Variants in ARHGAP22 observed in about 807,000 individuals in gnomAD.
ARHGAP22 encodes Rho GTPase activating protein 22.
A neutral mutation model predicts 59.1 loss-of-function variants in ARHGAP22; 48 were observed. That is an observed-to-expected ratio of 0.81 (90% CI 0.64 to 1.03). The LOEUF is 1.03. Among genes scored for constraint, ARHGAP22 ranks in the 50% least tolerant of loss-of-function variants. ARHGAP22 has a pLI of 0.00. For synonymous variants in ARHGAP22, 445 were observed against 416.4 expected (o/e 1.07, Z -0.84); for missense variants, 1,015 against 958.7 (o/e 1.06, Z -0.78).
chr10:48,450,353 G>T lies in ARHGAP22; in HGVS notation c.1776C>A (p.His592Gln), dbSNP rs774487178. The T allele has an allele frequency of 4.4e-6, 7 of 1,589,158 alleles. No individual in the cohort carries two copies. Among genetic ancestry groups the T allele is most frequent in the Non-Finnish European group, 6.0e-6 (7 of 1,168,398 alleles). Reference sequence around the variant, plus strand: ...CCTGTAAGGCCTCGGAGCGGCGCGCGTGTTCCCGGGTGGGGCTGTCCGGCT... The same window carrying T: ...CCTGTAAGGCCTCGGAGCGGCGCGCTTGTTCCCGGGTGGGGCTGTCCGGCT... ...PSEPDSPTRE[H>Q]ARRSEALQGL... is the part of the protein sequence containing the mutation. The change falls in exon 9 of 10, where the codon CAC becomes CAA. Residue 592 changes from histidine (H) to glutamine (Q), a missense_variant. His to Gln is a conservative substitution (Grantham distance 24). Transcript: ENST00000249601.
At chr10:48,636,209 A>G (rs1236655517) in intron 1 of ARHGAP22, among the ~76,000 whole-genome samples, 3 of 152,270 alleles carry the variant, frequency 2.0e-5, no homozygotes, top group Non-Finnish European at 4.4e-5. Context: ...TGCCCTGCAC[A>G]GCTTCAGCAT....
intron 3 of ARHGAP22, among the ~76,000 whole-genome samples, chr10:48,505,384 CT>C (rs1439631397): frequency 6.6e-6 from 1 of 152,168 alleles, no homozygotes; most frequent in Non-Finnish European, 1.5e-5. Context: ...ACAAAATATG[CT>C]GGTGGCATCG....
At chr10:48,636,030 G>A (rs914111943) in intron 1 of ARHGAP22, among the ~76,000 whole-genome samples, 12 of 152,188 alleles carry the variant, frequency 7.9e-5, no homozygotes, top group Non-Finnish European at 1.6e-4. Flanking sequence ...TTTTAGTTTG[G>A]TGGTAGCATC....
At chr10:48,571,189 C>T (rs1049290542) in intron 2 of ARHGAP22, among the ~76,000 whole-genome samples, 4 of 152,196 alleles carry the variant, frequency 2.6e-5, no homozygotes, top group African/African-American at 7.2e-5. Context: ...CTGGCCTCTA[C>T]TTGTCCAGCA....
At chr10:48,630,474 A>G (rs2061594249) in intron 1 of ARHGAP22, among the ~76,000 whole-genome samples, 1 of 152,238 alleles carries the variant, frequency 6.6e-6, no homozygotes, top group South Asian at 2.1e-4. Context: ...CTTAGATTTC[A>G]TTAATCAAGA....
upstream of ARHGAP22, among the ~76,000 whole-genome samples, chr10:48,655,004 C>CTT: frequency 6.9e-5 from 7 of 101,640 alleles, no homozygotes; most frequent in Non-Finnish European, 1.0e-4. Flanking sequence ...CTCTCTCTTT[C>CTT]TTTCTCTTTC....
At chr10:48,591,885 A>G (rs573801280) in intron 1 of ARHGAP22, among the ~76,000 whole-genome samples, 1 of 152,156 alleles carries the variant, frequency 6.6e-6, no homozygotes, top group East Asian at 1.9e-4. Context: ...AAAAAACCCC[A>G]AAACAACAAC....
chr10:48,501,234 A>T (rs779403678), intron 3 of ARHGAP22, among the ~76,000 whole-genome samples: 1 of 152,194 alleles, frequency 6.6e-6, no homozygotes, highest in Non-Finnish European at 1.5e-5. Context: ...TTTTCTGGGG[A>T]TGAAGGTGAG....
intron 3 of ARHGAP22, among the ~76,000 whole-genome samples, chr10:48,483,570 A>T (rs2049547219): frequency 6.6e-6 from 1 of 151,578 alleles, no homozygotes; most frequent in African/African-American, 2.4e-5. Context: ...TCCAGTGTCT[A>T]TTTTTTTTGT....
Position 48,459,571 on chromosome 10 carries a change from C to T in ARHGAP22, c.659+113G>A. 3 of 1,239,470 alleles carry T rather than the reference C, an allele frequency of 2.4e-6. No individual in the cohort carries two copies. In the South Asian group the frequency reaches 4.0e-5, roughly 17 times the overall value. 76.8% of individuals were successfully genotyped at this position (1,239,470 alleles called of 1,614,324 possible). A position where few individuals can be genotyped will look rare whatever the true frequency, so the allele number is the denominator to read the frequency against. ...ACACTCTGCCCACTAGGAGGGCTGG[C>T]CCACCATCCTGTCGCTAGCCCACCC... On this transcript the variant is annotated intron_variant, in intron 5 of 9. Coordinates refer to ENST00000249601, the MANE Select transcript of ARHGAP22 (RefSeq NM_021226.4).
At chr10:48,628,787 T>C (rs1209998394) in intron 1 of ARHGAP22, among the ~76,000 whole-genome samples, 1 of 152,106 alleles carries the variant, frequency 6.6e-6, no homozygotes, top group African/African-American at 2.4e-5. Context: ...GGAGTCATCA[T>C]CTTTGGTGCA....
At chr10:48,546,468 A>T (rs2056445341) in intron 3 of ARHGAP22, 1 of 159,062 alleles carries the variant, frequency 6.3e-6, no homozygotes, top group African/African-American at 2.4e-5. Flanking sequence ...ACCAGCTGGG[A>T]TGATTACTGA....
chr10:48,629,765 T>C (rs918026918), intron 1 of ARHGAP22, among the ~76,000 whole-genome samples: 1 of 152,244 alleles, frequency 6.6e-6, no homozygotes, highest in African/African-American at 2.4e-5. Flanking sequence ...GAGAATTCAC[T>C]GAATCTATAT....
chr10:48,435,279 T>A, the ARHGAP22 span: 1 of 359,104 alleles, frequency 2.8e-6, no homozygotes, highest in African/African-American at 2.1e-5. Context: ...TAAACCTAAT[T>A]ATTTTATCAT....
At chr10:48,631,950 C>A (rs1267297664) in intron 1 of ARHGAP22, among the ~76,000 whole-genome samples, 1 of 152,098 alleles carries the variant, frequency 6.6e-6, no homozygotes, top group Admixed American at 6.6e-5. Flanking sequence ...TTTATTTAGT[C>A]TCACTTTTTT....
intron 1 of ARHGAP22, among the ~76,000 whole-genome samples, chr10:48,635,950 T>TC (rs1182544611): frequency 5.9e-5 from 9 of 152,252 alleles, no homozygotes; most frequent in Non-Finnish European, 1.2e-4. Flanking sequence ...TTAAATGACA[T>TC]CACCCCTGTG....
intron 4 of ARHGAP22, among the ~76,000 whole-genome samples, chr10:48,474,675 G>C (rs371551123): frequency 2.5e-5 from 3 of 119,832 alleles, no homozygotes; most frequent in African/African-American, 9.6e-5. Context: ...TCATTAAAGG[G>C]TGCTGGATTT....
At chr10:48,600,539 C>A (rs1231788625) in intron 1 of ARHGAP22, among the ~76,000 whole-genome samples, 1 of 141,936 alleles carries the variant, frequency 7.0e-6, no homozygotes, top group Non-Finnish European at 1.5e-5. Context: ...ATGAAAATCC[C>A]AGAGGAGTAT....
chr10:48,643,687 G>A (rs528300450), intron 1 of ARHGAP22, among the ~76,000 whole-genome samples: 2 of 150,780 alleles, frequency 1.3e-5, no homozygotes, highest in Admixed American at 6.6e-5. Context: ...CACCAACATG[G>A]CACATGTATA....
Sources: allele counts gnomAD v4.1 joint callset (sites outside exome capture counted in the v4.1 genomes callset), GRCh38; gene constraint gnomAD v4.1.1; transcripts MANE v1.5; gene names NCBI Gene and HGNC (gene_info 2026-07-23, HGNC 2026-07-21).